Variants in TEX10 observed in about 807,000 individuals in gnomAD.
TEX10 encodes the protein testis expressed 10.
A neutral mutation model predicts 104.4 loss-of-function variants in TEX10; 24 were observed. That is an observed-to-expected ratio of 0.23 (90% CI 0.17 to 0.32). The LOEUF is 0.32. TEX10 is among the 10% of genes least tolerant of loss of function. The pLI, the probability that TEX10 is intolerant of heterozygous loss-of-function variation, is 1.00. For synonymous variants in TEX10, 396 were observed against 393.4 expected, an observed-to-expected ratio of 1.01 and a Z score of -0.08; for missense variants, 921 against 1,083.9, an observed-to-expected ratio of 0.85 and a Z score of 2.11.
intron 11 of TEX10, among the ~76,000 whole-genome samples, chr9:100,318,512 C>T (rs1451458722): frequency 6.6e-6 from 1 of 152,138 alleles, no homozygotes; most frequent in Non-Finnish European, 1.5e-5. Flanking sequence ...TTAATGGGTA[C>T]AGTGTACATT....
intron 11 of TEX10, among the ~76,000 whole-genome samples, chr9:100,316,910 A>AAAAAC (rs1834434428): frequency 6.9e-6 from 1 of 145,888 alleles, no homozygotes; most frequent in Non-Finnish European, 1.5e-5. Flanking sequence ...AAAAAAAAAA[A>AAAAAC]AAAAAACCTA....
At chr9:100,317,789 A>C (rs1834459744) in intron 11 of TEX10, among the ~76,000 whole-genome samples, 1 of 152,198 alleles carries the variant, frequency 6.6e-6, no homozygotes, top group African/African-American at 2.4e-5. Flanking sequence ...AACAACAAAA[A>C]ATCAAATAAC....
At chr9:100,314,470 G>A (rs920049876) in intron 11 of TEX10, among the ~76,000 whole-genome samples, 5 of 152,060 alleles carry the variant, frequency 3.3e-5, no homozygotes, top group Admixed American at 2.6e-4. Flanking sequence ...TCAACCTTGG[G>A]GAGTTGTATG....
chr9:100,305,320 T>TC (rs747079416), intron 13 of TEX10: 11 of 152,196 alleles, frequency 7.2e-5, no homozygotes, highest in Non-Finnish European at 1.6e-4. Context: ...ATATGGTAAT[T>TC]CCATCTATGG....
chr9:100,327,735 A>G lies in TEX10; in HGVS notation c.1801+52T>C, dbSNP rs866764026. On this transcript the variant is annotated intron_variant, in intron 8 of 14. Coordinates refer to ENST00000374902, the MANE Select transcript of TEX10 (RefSeq NM_017746.4). ...AGCTCCCCTTAAAAACTTCTTTTGT[A>G]TATCAGGGTGGATCAATGACTACCC... 25 of 1,406,504 alleles carry G rather than the reference A, an allele frequency of 1.8e-5. No homozygotes were observed. In the South Asian group the frequency reaches 2.1e-4, roughly 12 times the overall value. The allele number at this position is 1,406,504 out of a possible 1,614,324, so 87.1% of individuals were successfully genotyped here.
intron 2 of TEX10, among the ~76,000 whole-genome samples, chr9:100,348,673 G>A (rs1348223235): frequency 6.6e-6 from 1 of 152,186 alleles, no homozygotes. Context: ...CAGCACCTCA[G>A]GAGGCCTTGG....
At position 100,302,246 on chromosome 9, in the gene TEX10, T is replaced by C. The variant is rs760592973; in HGVS notation, c.2735A>G (p.Asn912Ser). Reference sequence around the variant, plus strand: ...TTGGGGATGCCCAGTGATATACACGTTGAAGCAGTAATGTAAGTCTGTGAG... The same window carrying C: ...TTGGGGATGCCCAGTGATATACACGCTGAAGCAGTAATGTAAGTCTGTGAG... ...QWLTDLHYCF[N>S]VYITGHPQGP... Residue 912 changes from asparagine to serine, a missense_variant, in exon 15 of 15, where the codon AAC (asparagine) becomes AGC (serine). Physicochemically the swap from Asn to Ser is conservative, Grantham distance 46. Transcript: ENST00000374902. 6.2e-7 allele frequency: 1 copy of C among 1,613,764 alleles called. No individual in the cohort carries two copies. Among genetic ancestry groups the C allele is most frequent in the South Asian group, 1.1e-5 (1 of 91,006 alleles).
At chr9:100,313,358 T>C (rs1002737091) in intron 11 of TEX10, among the ~76,000 whole-genome samples, 2 of 149,970 alleles carry the variant, frequency 1.3e-5, no homozygotes, top group South Asian at 2.1e-4. Context: ...CTACTAAATA[T>C]ACAAAAATTA....
At chr9:100,347,557 G>C in intron 2 of TEX10, 151 bp from the exon 3 acceptor site, 1 of 546,114 alleles carries the variant, frequency 1.8e-6, no homozygotes, top group Non-Finnish European at 3.0e-6. Context: ...GCTTTTGTTA[G>C]GATCAGAAAC....
At chr9:100,331,956 A>G (rs1262113706) in intron 5 of TEX10, among the ~76,000 whole-genome samples, 1 of 152,230 alleles carries the variant, frequency 6.6e-6, no homozygotes, top group Middle Eastern at 3.2e-3. Flanking sequence ...CAGGAGGAGT[A>G]ATCATTAAGG....
chr9:100,322,819 T>C (rs962826108), intron 9 of TEX10, among the ~76,000 whole-genome samples: 2 of 152,304 alleles, frequency 1.3e-5, no homozygotes, highest in South Asian at 4.1e-4. Context: ...TTTCACCATG[T>C]TGACCAGGCT....
intron 13 of TEX10, 180 bp from the exon 14 acceptor site, chr9:100,304,022 C>G: frequency 1.6e-6 from 1 of 620,826 alleles, no homozygotes; most frequent in Non-Finnish European, 2.9e-6. Context: ...CACTAAATAC[C>G]TAGGAATACA....
intron 11 of TEX10, among the ~76,000 whole-genome samples, chr9:100,315,471 A>G (rs1834393178): frequency 6.6e-6 from 1 of 152,112 alleles, no homozygotes; most frequent in African/African-American, 2.4e-5. Flanking sequence ...GGGTGCATAT[A>G]TATTTAGAAT....
chr9:100,348,501 T>C (rs767414519), intron 2 of TEX10, among the ~76,000 whole-genome samples: 4 of 152,208 alleles, frequency 2.6e-5, no homozygotes, highest in Non-Finnish European at 5.9e-5. Context: ...TACAAACCTA[T>C]AATAAACTAT....
intron 11 of TEX10, among the ~76,000 whole-genome samples, chr9:100,315,705 C>G (rs577185624): frequency 3.3e-5 from 5 of 152,178 alleles, no homozygotes; most frequent in Admixed American, 2.6e-4. Context: ...TTTTTCCTTT[C>G]AGCACTTTGA....
At chr9:100,312,806 A>G (rs941106619) in intron 11 of TEX10, among the ~76,000 whole-genome samples, 1 of 152,158 alleles carries the variant, frequency 6.6e-6, no homozygotes, top group Non-Finnish European at 1.5e-5. Flanking sequence ...CTGAAAACCT[A>G]AAATAAACGT....
chr9:100,348,986 G>A (rs1835371576), intron 2 of TEX10, among the ~76,000 whole-genome samples, 198 bp downstream of exon 2: 2 of 152,110 alleles, frequency 1.3e-5, no homozygotes, highest in Non-Finnish European at 1.5e-5. Flanking sequence ...TTAGTTTAGC[G>A]AACGTTTCTG....
At chr9:100,308,773 C>T in intron 12 of TEX10, 92 bp from the exon 13 acceptor site, 3 of 1,237,144 alleles carry the variant, frequency 2.4e-6, no homozygotes, top group South Asian at 2.1e-5. Flanking sequence ...ATTAACTTTA[C>T]ATTATTTCTA....
chr9:100,333,872 A>G (rs1351043620), intron 5 of TEX10, among the ~76,000 whole-genome samples: 1 of 152,216 alleles, frequency 6.6e-6, no homozygotes, highest in African/African-American at 2.4e-5. Context: ...GATAAAGTAC[A>G]GTCTTTCCAA....
Sources: gnomAD v4.1 joint callset for allele counts (sites outside exome capture counted in the v4.1 genomes callset) on GRCh38, gnomAD v4.1.1 for gene constraint, MANE v1.5 for transcripts, NCBI Gene and HGNC (gene_info 2026-07-23, HGNC 2026-07-21) for gene names.